Variants in ITPRID1 observed in about 807,000 individuals in gnomAD.
ITPRID1 encodes the protein protein ITPRID1.
ITPRID1 carries 96 observed loss-of-function variants against 95.4 expected under a neutral mutation model. That is an observed-to-expected ratio of 1.01 (90% CI 0.85 to 1.19). ITPRID1 has a LOEUF of 1.19. Among genes scored for constraint, ITPRID1 ranks in the 50% most tolerant of loss-of-function variants. The pLI is 0.00. For missense variants in ITPRID1, 1,339 were observed against 1,252.9 expected, an observed-to-expected ratio of 1.07 and a Z score of -1.04; for synonymous variants, 510 against 453.6, an observed-to-expected ratio of 1.12 and a Z score of -1.58.
chr7:31,568,122 GA>G lies in ITPRID1; in HGVS notation c.257-1622del, dbSNP rs35092042. On this transcript the variant is annotated intron_variant, in intron 5 of 14. Transcript: ENST00000615280. Reference sequence around the variant, plus strand: ...GGCTGGGTGACAGAGCGAACTGTCTGAAAAAAAAAAAAAATCACTATTTACT... The same window carrying G: ...GGCTGGGTGACAGAGCGAACTGTCTGAAAAAAAAAAAAATCACTATTTACT... Among the ~76,000 whole-genome samples the G allele has an allele frequency of 2.8e-3, 404 of 144,088 alleles. 2 individuals are homozygous for G. The highest frequency in any genetic ancestry group is 7.8e-3 in the African/African-American group (307 of 39,280). 94.5% of individuals were successfully genotyped at this position (144,088 alleles called of 152,430 possible).
At chr7:31,608,194 T>C (rs1786710400) in intron 10 of ITPRID1, among the ~76,000 whole-genome samples, 2 of 152,040 alleles carry the variant, frequency 1.3e-5, no homozygotes, top group African/African-American at 4.8e-5. Context: ...ATTTCTAATC[T>C]CTCTAAGTTC....
Position 31,654,639 on chromosome 7 carries a change from C to T in ITPRID1, c.*1810C>T, listed in dbSNP as rs1388719480. Among the ~76,000 whole-genome samples, 2 of 152,076 alleles carry T rather than the reference C, an allele frequency of 1.3e-5. No individual in the cohort carries two copies. Among genetic ancestry groups the T allele is most frequent in the East Asian group, 3.9e-4 (2 of 5,170 alleles). On this transcript the variant is annotated 3_prime_UTR_variant, in exon 15 of 15. Transcript: ENST00000615280. Reference sequence around the variant, plus strand: ...TTCAGCCTTGGAGGCTTGTGAGGCTCCCACCCCAGTGGAAATGCAGGGAAT... The same window carrying T: ...TTCAGCCTTGGAGGCTTGTGAGGCTTCCACCCCAGTGGAAATGCAGGGAAT...
At chr7:31,651,676 G>A (rs1029855044) in intron 13 of ITPRID1, among the ~76,000 whole-genome samples, 2 of 152,084 alleles carry the variant, frequency 1.3e-5, no homozygotes, top group Non-Finnish European at 2.9e-5. Flanking sequence ...AAACTGAATA[G>A]TGGTGATGAT....
intron 10 of ITPRID1, 65 bp downstream of exon 10, chr7:31,583,256 A>G: frequency 1.8e-6 from 2 of 1,102,290 alleles, no homozygotes; most frequent in Non-Finnish European, 2.7e-6. Flanking sequence ...ACTGGTATTT[A>G]AATTTCTTAA....
intron 10 of ITPRID1, among the ~76,000 whole-genome samples, chr7:31,608,761 AT>A (rs1426971955): frequency 3.3e-5 from 5 of 151,676 alleles, no homozygotes; most frequent in Non-Finnish European, 5.9e-5. Context: ...TCTATAGCGG[AT>A]TTTTATATAC....
chr7:31,541,085 A>G (rs1783918997), intron 1 of ITPRID1, among the ~76,000 whole-genome samples: 1 of 152,222 alleles, frequency 6.6e-6, no homozygotes, highest in Admixed American at 6.5e-5. Flanking sequence ...TCTGGAGAAA[A>G]TCAGGTAAAG....
chr7:31,546,103 C>T (rs1784087961), intron 1 of ITPRID1, among the ~76,000 whole-genome samples: 1 of 152,074 alleles, frequency 6.6e-6, no homozygotes, highest in African/African-American at 2.4e-5. Flanking sequence ...GGAATTATCT[C>T]ATTTTGTCTA....
chr7:31,554,528 G>A lies in ITPRID1; in HGVS notation c.212+5G>A. The A allele has an allele frequency of 6.2e-7, 1 of 1,612,704 alleles. No individual in the cohort carries two copies. Among genetic ancestry groups the A allele is most frequent in the Non-Finnish European group, 8.5e-7 (1 of 1,179,308 alleles). ...GTGGCTGGACTCTGGATTCTTGTAA[G>A]TGTTTTTGTGTGTGTGTGCCTTACA... On this transcript the variant is annotated splice_donor_5th_base_variant and intron_variant, in intron 4 of 14. Coordinates refer to ENST00000615280, the MANE Select transcript of ITPRID1 (RefSeq NM_001257967.3).
chr7:31,614,784 C>G (rs920940236), intron 10 of ITPRID1, among the ~76,000 whole-genome samples: 1 of 152,138 alleles, frequency 6.6e-6, no homozygotes, highest in Non-Finnish European at 1.5e-5. Flanking sequence ...TCATTGTCAT[C>G]TGGTTTGAGA....
At chr7:31,645,190 C>G (rs1001592905) in intron 12 of ITPRID1, among the ~76,000 whole-genome samples, 1 of 151,962 alleles carries the variant, frequency 6.6e-6, no homozygotes, top group Non-Finnish European at 1.5e-5. Context: ...AAGAAGTGTC[C>G]GACTTTAAAA....
intron 5 of ITPRID1, chr7:31,555,187 T>G (rs1784407795): frequency 3.7e-6 from 1 of 273,430 alleles, no homozygotes; most frequent in African/African-American, 2.2e-5. Context: ...TTTGCAAGGA[T>G]GTAGTTATGA....
intron 10 of ITPRID1, among the ~76,000 whole-genome samples, chr7:31,592,748 G>GGCCCA (rs1785921170): frequency 6.6e-6 from 1 of 152,176 alleles, no homozygotes; most frequent in East Asian, 1.9e-4. Context: ...CCTAGTGTAT[G>GGCCCA]GCCCACTGCC....
In ITPRID1 at chr7:31,549,454, C is replaced by A. The variant is rs1332750810; in HGVS notation, c.-69C>A. The stretch of plus-strand genomic sequence containing the variant: ...CTGACAGGATAAGGACAAGAAGCAA[C>A]ACACAGAAGAGAAGGAAAAAGAAAG... On this transcript the variant is annotated 5_prime_UTR_variant, in exon 2 of 15. Coordinates refer to ENST00000615280, the MANE Select transcript of ITPRID1 (RefSeq NM_001257967.3). 39 of 1,516,240 alleles carry A rather than the reference C, an allele frequency of 2.6e-5. No homozygotes were observed. Among genetic ancestry groups the A allele is most frequent in the Admixed American group, 1.4e-4 (7 of 48,308 alleles). The allele number at this position is 1,516,240 out of a possible 1,614,324, so 93.9% of individuals were successfully genotyped here. A position where few individuals can be genotyped will look rare whatever the true frequency, so the allele number is the denominator to read the frequency against.
intron 10 of ITPRID1, among the ~76,000 whole-genome samples, chr7:31,635,511 C>T (rs1445010275): frequency 6.6e-6 from 1 of 152,166 alleles, no homozygotes; most frequent in African/African-American, 2.4e-5. Context: ...GAGTTTCAAA[C>T]ATTGGTTTGT....
chr7:31,589,458 A>C (rs2128153444), intron 10 of ITPRID1, among the ~76,000 whole-genome samples: 1 of 152,296 alleles, frequency 6.6e-6, no homozygotes, highest in South Asian at 2.1e-4. Context: ...TTTTGCTCAA[A>C]GATTTACATT....
chr7:31,574,451 T>C, intron 7 of ITPRID1, 89 bp from the exon 8 acceptor site: 1 of 1,121,100 alleles, frequency 8.9e-7, no homozygotes, highest in East Asian at 2.4e-5. Flanking sequence ...TCACTCAGTA[T>C]CTGGGAGATT....
chr7:31,647,301 G>A lies in ITPRID1; in HGVS notation c.2583+3348G>A, dbSNP rs188924685. 3.7e-4 allele frequency among the ~76,000 whole-genome samples: 57 copies of A among 152,196 alleles called. No individual in the cohort carries two copies. The East Asian group carries it at 9.9e-3, about 26-fold the overall frequency. On this transcript the variant is annotated intron_variant, in intron 12 of 14. Coordinates refer to ENST00000615280, the MANE Select transcript of ITPRID1 (RefSeq NM_001257967.3). ...AGACAGGGCTAGAAAAAATATTTAC[G>A]AAAATATTAACAGGACATAGCTCTT...
intron 10 of ITPRID1, among the ~76,000 whole-genome samples, chr7:31,632,913 A>G (rs1485250853): frequency 1.3e-5 from 2 of 151,642 alleles, no homozygotes; most frequent in African/African-American, 4.9e-5. Flanking sequence ...TTTGAGACAG[A>G]GTCTCACTCT....
At chr7:31,619,254 C>G (rs936964304) in intron 10 of ITPRID1, among the ~76,000 whole-genome samples, 14 of 152,040 alleles carry the variant, frequency 9.2e-5, no homozygotes, top group Admixed American at 5.9e-4. Context: ...GGCATAATGA[C>G]TAGATTTCTG....
Sources: allele counts gnomAD v4.1 joint callset (sites outside exome capture counted in the v4.1 genomes callset), GRCh38; gene constraint gnomAD v4.1.1; transcripts MANE v1.5; gene names NCBI Gene and HGNC (gene_info 2026-07-23, HGNC 2026-07-21).